TBC1D22A: variants seen among roughly 807,000 people sequenced by gnomAD.
TBC1D22A encodes TBC1 domain family member 22A.
In TBC1D22A, 38 loss-of-function variants were observed where a neutral mutation model predicts 60.2. The observed-to-expected ratio is 0.63, with a 90% confidence interval of 0.49 to 0.83. The LOEUF (loss-of-function observed/expected upper bound fraction) is 0.83, where lower values mean the gene tolerates loss of function less well. Ranked by LOEUF, TBC1D22A falls within the 40% of genes least tolerant of loss-of-function variation. The probability of loss-of-function intolerance (pLI) is 0.00; values close to 1 mark genes in which losing one functional copy is unlikely to be tolerated. For missense variants in TBC1D22A, 628 were observed against 701.0 expected (o/e 0.90, Z 1.18); for synonymous variants, 302 against 281.7 (o/e 1.07, Z -0.72).
chr22:46,769,551 G>A (rs574376069), intron 1 of TBC1D22A, among the ~76,000 whole-genome samples: 10 of 152,170 alleles, frequency 6.6e-5, no homozygotes, highest in Non-Finnish European at 1.3e-4. Flanking sequence ...TCCCGCTTCC[G>A]CCGAGACCTG....
At chr22:46,993,345 G>A (rs906411369) in intron 9 of TBC1D22A, among the ~76,000 whole-genome samples, 3 of 152,068 alleles carry the variant, frequency 2.0e-5, no homozygotes, top group Admixed American at 6.5e-5. Context: ...ACAACAGATC[G>A]TTGTCTTCAG....
At chr22:47,105,761 C>A (rs910998192) in intron 11 of TBC1D22A, among the ~76,000 whole-genome samples, 2 of 152,132 alleles carry the variant, frequency 1.3e-5, no homozygotes, top group East Asian at 1.9e-4. Context: ...TCCCACCCCC[C>A]CACTCCCCAA....
intron 11 of TBC1D22A, among the ~76,000 whole-genome samples, chr22:47,105,765 T>G: frequency 1.4e-5 from 2 of 145,690 alleles, no homozygotes; most frequent in South Asian, 2.4e-4. Flanking sequence ...ACCCCCCCAC[T>G]CCCCAAAGAA....
chr22:46,898,224 C>T (rs770453295), intron 7 of TBC1D22A, among the ~76,000 whole-genome samples: 9 of 152,206 alleles, frequency 5.9e-5, no homozygotes, highest in Admixed American at 2.0e-4. Context: ...CCCTGAGTCA[C>T]GGCTAGTGGT....
chr22:47,167,122 C>T (rs577844412), intron 12 of TBC1D22A, among the ~76,000 whole-genome samples: 62 of 152,368 alleles, frequency 4.1e-4, no homozygotes, highest in South Asian at 1.2e-3. Flanking sequence ...TTTCTCCCAA[C>T]GATGACCACG....
At chr22:47,002,929 G>T (rs1446824377) in intron 10 of TBC1D22A, among the ~76,000 whole-genome samples, 2 of 152,156 alleles carry the variant, frequency 1.3e-5, no homozygotes, top group African/African-American at 4.8e-5. Context: ...CAACAGCATC[G>T]AAGCTGTCGC....
At chr22:46,871,420 A>T (rs1427389275) in intron 4 of TBC1D22A, among the ~76,000 whole-genome samples, 1 of 152,230 alleles carries the variant, frequency 6.6e-6, no homozygotes, top group Non-Finnish European at 1.5e-5. Flanking sequence ...CGTCCTTTTC[A>T]AGGACATATG....
intron 4 of TBC1D22A, among the ~76,000 whole-genome samples, chr22:46,803,836 C>T (rs1241189666): frequency 1.3e-5 from 2 of 152,220 alleles, no homozygotes; most frequent in Non-Finnish European, 1.5e-5. Flanking sequence ...CTTGCACAGT[C>T]CTTCTGTGCA....
chr22:46,989,960 A>G (rs1167719294), intron 9 of TBC1D22A, among the ~76,000 whole-genome samples: 2 of 152,072 alleles, frequency 1.3e-5, no homozygotes, highest in South Asian at 4.2e-4. Context: ...TTGCCACCAC[A>G]CCTGGATAAT....
chr22:46,904,388 G>T (rs1416330375), intron 7 of TBC1D22A, among the ~76,000 whole-genome samples: 2 of 152,046 alleles, frequency 1.3e-5, no homozygotes, highest in Admixed American at 1.3e-4. Flanking sequence ...ATAATTTCAG[G>T]GTAACCCTCG....
chr22:47,090,875 GGTT>G (rs1325208718), intron 11 of TBC1D22A, among the ~76,000 whole-genome samples: 1 of 140,650 alleles, frequency 7.1e-6, no homozygotes, highest in Non-Finnish European at 1.5e-5. Flanking sequence ...CTCGCAGAGG[GGTT>G]GTTGATAGAG....
At chr22:46,933,686 C>T (rs954609854) in intron 8 of TBC1D22A, among the ~76,000 whole-genome samples, 20 of 152,364 alleles carry the variant, frequency 1.3e-4, no homozygotes, top group African/African-American at 3.6e-4. Flanking sequence ...CACTCAGATG[C>T]GTGTGTTCTC....
At chr22:46,919,647 A>G (rs957088364) in intron 8 of TBC1D22A, among the ~76,000 whole-genome samples, 1 of 151,620 alleles carries the variant, frequency 6.6e-6, no homozygotes, top group Non-Finnish European at 1.5e-5. Context: ...TTCCCTGCCC[A>G]TAGCATTGTG....
intron 8 of TBC1D22A, among the ~76,000 whole-genome samples, chr22:46,941,666 G>A (rs1426591491): frequency 4.8e-5 from 7 of 144,962 alleles, no homozygotes; most frequent in South Asian, 2.2e-4. Flanking sequence ...ATATATACGC[G>A]GAATATATAT....
intron 11 of TBC1D22A, among the ~76,000 whole-genome samples, chr22:47,089,494 C>A (rs2064832218): frequency 1.3e-5 from 2 of 152,182 alleles, no homozygotes; most frequent in Non-Finnish European, 2.9e-5. Context: ...CACATCACAC[C>A]ACACGTAGAC....
At chr22:47,062,430 G>A (rs2063612733) in intron 11 of TBC1D22A, among the ~76,000 whole-genome samples, 1 of 152,188 alleles carries the variant, frequency 6.6e-6, no homozygotes, top group Non-Finnish European at 1.5e-5. Context: ...TGGCTGTCTG[G>A]ACAAAGCCTT....
At chr22:46,958,117 G>T (rs2148040639) in intron 8 of TBC1D22A, among the ~76,000 whole-genome samples, 2 of 152,288 alleles carry the variant, frequency 1.3e-5, no homozygotes, top group South Asian at 4.1e-4. Flanking sequence ...GTTGAGTGTG[G>T]CTCTCATCAG....
intron 11 of TBC1D22A, among the ~76,000 whole-genome samples, chr22:47,068,064 G>A (rs1469310725): frequency 6.6e-6 from 1 of 152,258 alleles, no homozygotes; most frequent in African/African-American, 2.4e-5. Context: ...GAAAGCGCTC[G>A]GCAGGGAGAG....
In TBC1D22A at chr22:47,011,564, G is replaced by C. The variant is rs369081777; in HGVS notation, c.1201+13855G>C. ...AAATGTTGGGGAACTAAGGGATAAA[G>C]TGTTTAATGGAGCAGCCTGCACGTT... On this transcript the variant is annotated intron_variant, in intron 10 of 12. Coordinates refer to ENST00000337137, the MANE Select transcript of TBC1D22A (RefSeq NM_014346.5). 3.2e-4 allele frequency among the ~76,000 whole-genome samples: 48 copies of C among 152,330 alleles called. 6 individuals carry two copies. The highest frequency in any genetic ancestry group is 1.2e-3 in the South Asian group (6 of 4,826).
Sources: allele counts gnomAD v4.1 joint callset (sites outside exome capture counted in the v4.1 genomes callset), GRCh38; gene constraint gnomAD v4.1.1; transcripts MANE v1.5; gene names NCBI Gene and HGNC (gene_info 2026-07-23, HGNC 2026-07-21).